Variants in YJEFN3 observed in about 807,000 individuals in gnomAD.
The protein encoded by YJEFN3 is YjeF N-terminal domain containing 3, also known as yjeF N-terminal domain-containing protein 3.
In YJEFN3, 29 loss-of-function variants were observed where a neutral mutation model predicts 31.5. The observed-to-expected ratio is 0.92, with a 90% confidence interval of 0.69 to 1.26. The LOEUF is 1.26. Ranked by LOEUF, YJEFN3 falls within the 50% of genes most tolerant of loss-of-function variation. The pLI is 0.00. For synonymous variants in YJEFN3, 227 were observed against 196.1 expected, an observed-to-expected ratio of 1.16 and a Z score of -1.32; for missense variants, 442 against 425.4, an observed-to-expected ratio of 1.04 and a Z score of -0.34.
chr19:19,530,025 T>G (rs1808999574), intron 2 of YJEFN3, among the ~76,000 whole-genome samples: 1 of 152,110 alleles, frequency 6.6e-6, no homozygotes, highest in African/African-American at 2.4e-5. Context: ...TGCGGCCAGG[T>G]GATCCCCCGT....
rs56747140 is a variant in YJEFN3, at chr19:19,531,718, CTTTTTTTTTTTTTTTTT to C, written c.210-900_210-884del. Reference sequence around the variant, plus strand: ...GCCACATTTTCTGGCAACAAATAACCTTTTTTTTTTTTTTTTTTTTTTTTTTTTTTGGAGACGGAGCC... The same window carrying C: ...GCCACATTTTCTGGCAACAAATAACCTTTTTTTTTTTTTGGAGACGGAGCC... On this transcript the variant is annotated intron_variant, in intron 2 of 6. Coordinates refer to ENST00000514277, the MANE Select transcript of YJEFN3 (RefSeq NM_198537.4). 4.1e-3 allele frequency among the ~76,000 whole-genome samples: 309 copies of C among 75,874 alleles called. 3 individuals are homozygous for C. The highest frequency in any genetic ancestry group is 0.036 in the Middle Eastern group (3 of 84). 49.8% of individuals were successfully genotyped at this position (75,874 alleles called of 152,430 possible).
In YJEFN3 at chr19:19,537,323, G is replaced by A; in HGVS notation, c.699G>A (p.Trp233Ter). 1.9e-6 allele frequency: 3 copies of A among 1,591,092 alleles called. No homozygotes were observed. The highest frequency in any genetic ancestry group is 1.1e-5 in the South Asian group (1 of 89,450). ...CCCCGGACCCTCCTCCCTCAGGCTG[G>A]GACGCAGAGACCGGCAGCGATTCGG... ...PLVSLDIPSG[W>*]DAETGSDSED... Residue 233 changes from tryptophan (W) to a stop codon, truncating the protein, a stop_gained, in exon 7 of 7, where the codon TGG becomes TGA. Coordinates refer to ENST00000514277, the MANE Select transcript of YJEFN3 (RefSeq NM_198537.4). LOFTEE classifies it high-confidence loss of function.
At chr19:19,533,968 G>T (rs2061182666) in intron 3 of YJEFN3, 1 of 985,470 alleles carries the variant, frequency 1.0e-6, no homozygotes, top group South Asian at 4.7e-5. Context: ...AGCCTTTGGG[G>T]AGGATACTTG....
intron 6 of YJEFN3, 146 bp downstream of exon 6, chr19:19,535,825 C>A (rs2061204502): frequency 2.7e-6 from 3 of 1,100,744 alleles, no homozygotes; most frequent in Non-Finnish European, 4.0e-6. Context: ...AAGGGTCACA[C>A]CCATCCCTCT....
At chr19:19,535,762 C>A in intron 6 of YJEFN3, 83 bp downstream of exon 6, 1 of 1,486,766 alleles carries the variant, frequency 6.7e-7, no homozygotes, top group Non-Finnish European at 9.1e-7. Flanking sequence ...TCGCCCCTGC[C>A]TGTCTGAACC....
chr19:19,535,570 C>T lies in YJEFN3; in HGVS notation c.585C>T (p.Ala195=), dbSNP rs751068698. The T allele has an allele frequency of 8.2e-6, 13 of 1,582,828 alleles. No homozygotes were observed. The highest frequency in any genetic ancestry group is 2.7e-5 in the African/African-American group (2 of 74,004). Residue 195 remains alanine (A), a synonymous_variant, in exon 6 of 7, where the codon GCC becomes GCT. Transcript: ENST00000514277. ...AAGCCTATGGGCTGGTGGTGGATGC[C>T]GTACTGGGCCCCGGCGTGGAGCCGG... ...INEAYGLVVD[A]VLGPGVEPGE...
At chr19:19,531,055 C>T (rs1303091201) in intron 2 of YJEFN3, among the ~76,000 whole-genome samples, 1 of 152,194 alleles carries the variant, frequency 6.6e-6, no homozygotes, top group Non-Finnish European at 1.5e-5. Context: ...TTACCTGCCA[C>T]GATGTGCCAG....
At position 19,534,960 on chromosome 19, in the gene YJEFN3, G is replaced by A. The variant is rs149784687; in HGVS notation, c.319-74G>A. The A allele has an allele frequency of 3.6e-5, 47 of 1,317,794 alleles. No homozygotes were observed. In the Middle Eastern group the frequency reaches 7.6e-4, roughly 21 times the overall value. 81.6% of individuals were successfully genotyped at this position (1,317,794 alleles called of 1,614,324 possible). A position where few individuals can be genotyped will look rare whatever the true frequency, so the allele number is the denominator to read the frequency against. ...CAAGCCCCATCCCTTCCCCTACTCC[G>A]GGCCTCAGTTTCCTCTCCAGGCAAG... On this transcript the variant is annotated intron_variant, in intron 3 of 6. Transcript: ENST00000514277. This position sits in a 1 kb window ranked among gnomAD's most constrained non-coding sequence, Gnocchi z 4.6.
intron 6 of YJEFN3, 100 bp from the exon 7 acceptor site, chr19:19,537,219 T>G: frequency 5.5e-6 from 6 of 1,096,556 alleles, no homozygotes; most frequent in Non-Finnish European, 7.7e-6. Context: ...AGAGGCTCAG[T>G]GTTGGAGGGG....
intron 2 of YJEFN3, among the ~76,000 whole-genome samples, chr19:19,530,177 G>C (rs2061141274): frequency 6.6e-6 from 1 of 152,114 alleles, no homozygotes; most frequent in African/African-American, 2.4e-5. Flanking sequence ...GTCAGGCCCA[G>C]TTCCCTTTGG....
chr19:19,535,389 G>A lies in YJEFN3; in HGVS notation c.482G>A (p.Arg161Gln), dbSNP rs370472731. 56 of 1,613,834 alleles carry A rather than the reference G, an allele frequency of 3.5e-5. No homozygotes were observed. The African/African-American group carries it at 4.5e-4, about 13-fold the overall frequency. Reference sequence around the variant, plus strand: ...ACACGCTCGCTGGACCTGCTGCATCGGGACCTGACCACCCAGTGCGAGAAG... The same window carrying A: ...ACACGCTCGCTGGACCTGCTGCATCAGGACCTGACCACCCAGTGCGAGAAG... ...YPTRSLDLLH[R>Q]DLTTQCEKMD... Residue 161 changes from arginine to glutamine, a missense_variant, in exon 5 of 7, where the codon CGG becomes CAG. Coordinates refer to ENST00000514277, the MANE Select transcript of YJEFN3 (RefSeq NM_198537.4).
chr19:19,529,351 C>T lies in YJEFN3; in HGVS notation c.60-13C>T. The T allele has an allele frequency of 6.2e-7, 1 of 1,604,946 alleles. No individual in the cohort carries two copies. Among genetic ancestry groups the T allele is most frequent in the African/African-American group, 1.3e-5 (1 of 74,788 alleles). ...CCCAACCGTGGCCCACCCCCACTCT[C>T]CATCTCTCCCAGGGCCTTGGAGCTG... On this transcript the variant is annotated splice_polypyrimidine_tract_variant and intron_variant, in intron 1 of 6. Coordinates refer to ENST00000514277, the MANE Select transcript of YJEFN3 (RefSeq NM_198537.4).
rs933825548 is a variant in YJEFN3 at position 19,533,997 on chromosome 19, G to C, written c.319-1037G>C. ...ATACTTGAAAGGGGAGTAATCTGCTGTCTGTGTGGTTGGAGCTTAAAGTAC... is the reference window on the plus strand; with the variant it reads ...ATACTTGAAAGGGGAGTAATCTGCTCTCTGTGTGGTTGGAGCTTAAAGTAC... On this transcript the variant is annotated intron_variant, in intron 3 of 6. Transcript: ENST00000514277. 7.1e-6 allele frequency: 7 copies of C among 985,510 alleles called. No individual in the cohort carries two copies. In the African/African-American group the frequency reaches 1.0e-4, roughly 15 times the overall value. 61.0% of individuals were successfully genotyped at this position (985,510 alleles called of 1,614,324 possible).
rs2061185384 is a variant in YJEFN3, at chr19:19,534,272, A to G, written c.319-762A>G. The G allele has an allele frequency of 1.4e-6, 1 of 690,918 alleles. No homozygotes were observed. The highest frequency in any genetic ancestry group is 1.8e-6 in the Non-Finnish European group (1 of 563,072). The allele number at this position is 690,918 out of a possible 1,614,324, so 42.8% of individuals were successfully genotyped here. On this transcript the variant is annotated intron_variant, in intron 3 of 6. Coordinates refer to ENST00000514277, the MANE Select transcript of YJEFN3 (RefSeq NM_198537.4). The surrounding 1 kb of genome is among the most constrained non-coding windows in gnomAD (Gnocchi z 4.6). The stretch of plus-strand genomic sequence containing the variant: ...AAATGGAGAGAGAGACAAATGGAGA[A>G]AGAGAGCCAGAGACATACAGAAAGA...
chr19:19,531,068 C>T (rs1171988490), intron 2 of YJEFN3, among the ~76,000 whole-genome samples: 1 of 152,222 alleles, frequency 6.6e-6, no homozygotes, highest in African/African-American at 2.4e-5. Context: ...TGTGCCAGGC[C>T]TCCTCCTCCA....
In YJEFN3 at chr19:19,532,756, CCCCCAACCCTGA is replaced by C. The variant is rs1568364292; in HGVS notation, c.318+25_318+36del. On this transcript the variant is annotated intron_variant, in intron 3 of 6. Coordinates refer to ENST00000514277, the MANE Select transcript of YJEFN3 (RefSeq NM_198537.4). Reference sequence around the variant, plus strand: ...TGTGACCAAGGTACCTGACCCCTGACCCCCAACCCTGACCCCAACCAGACGGCCAACTCTCCT... The same window carrying C: ...TGTGACCAAGGTACCTGACCCCTGACCCCCAACCAGACGGCCAACTCTCCT... 1 of 1,533,596 alleles carries C rather than the reference CCCCCAACCCTGA, an allele frequency of 6.5e-7. No homozygotes were observed. The highest frequency in any genetic ancestry group is 8.8e-7 in the Non-Finnish European group (1 of 1,138,916). 95.0% of individuals were successfully genotyped at this position (1,533,596 alleles called of 1,614,324 possible). A position where few individuals can be genotyped will look rare whatever the true frequency, so the allele number is the denominator to read the frequency against.
At chr19:19,532,584 G>A (rs1568364030) in intron 2 of YJEFN3, 48 bp from the exon 3 acceptor site, 4 of 1,317,372 alleles carry the variant, frequency 3.0e-6, no homozygotes, top group African/African-American at 1.5e-5. Flanking sequence ...TCCATCTGAG[G>A]CTCTGTCTCT....
Position 19,535,600 on chromosome 19 carries a change from G to T in YJEFN3, c.615G>T (p.Glu205Asp). The change falls in exon 6 of 7, where the codon GAG (glutamate) becomes GAT (aspartate). Residue 205 changes from glutamate (E) to aspartate (D), a missense_variant. Physicochemically the swap from Glu to Asp is conservative, Grantham distance 45 (BLOSUM62 2). Transcript: ENST00000514277. ...TGGGCCCCGGCGTGGAGCCGGGCGA[G>T]GTCGGGGGCCCCTGCACCCGCGCGC... ...AVLGPGVEPGEVGGPCTRALA... is the reference protein window; with the variant it reads ...AVLGPGVEPGDVGGPCTRALA... The T allele has an allele frequency of 1.3e-6, 2 of 1,583,860 alleles. No individual in the cohort carries two copies. Among genetic ancestry groups the T allele is most frequent in the Non-Finnish European group, 1.7e-6 (2 of 1,164,758 alleles).
At chr19:19,533,767 G>A in intron 3 of YJEFN3, 5 of 985,438 alleles carry the variant, frequency 5.1e-6, no homozygotes, top group Non-Finnish European at 6.0e-6. Context: ...CAAAGGAGAA[G>A]GAAAATCAAA....
Sources: allele counts gnomAD v4.1 joint callset (sites outside exome capture counted in the v4.1 genomes callset), GRCh38; gene constraint gnomAD v4.1.1; non-coding constraint Gnocchi (gnomAD v3.1); transcripts MANE v1.5; gene names NCBI Gene and HGNC (gene_info 2026-07-23, HGNC 2026-07-21).